The following C3orf70 variants were observed in gnomAD, a reference collection of about 807,000 sequenced individuals.
The protein encoded by C3orf70 is chromosome 3 open reading frame 70.
In C3orf70, 15 loss-of-function variants were observed where a neutral mutation model predicts 20.7. The observed-to-expected ratio is 0.72, with a 90% CI of 0.48 to 1.11. The LOEUF (loss-of-function observed/expected upper bound fraction) is 1.11, where lower values mean the gene tolerates loss of function less well. C3orf70 is among the 50% of genes most tolerant of loss of function. C3orf70 has a pLI of 0.00. For missense variants in C3orf70, 332 were observed against 317.6 expected (o/e 1.05, Z -0.34); for synonymous variants, 161 against 125.7 (o/e 1.28, Z -1.88).
chr3:185,091,645 A>G (rs1013139615), intron 1 of C3orf70, among the ~76,000 whole-genome samples: 1 of 150,992 alleles, frequency 6.6e-6, no homozygotes, highest in Non-Finnish European at 1.5e-5. Flanking sequence ...AGAGTCAGAC[A>G]CACCTGGATA....
At chr3:185,124,228 T>A (rs1457126930) in intron 1 of C3orf70, among the ~76,000 whole-genome samples, 1 of 152,126 alleles carries the variant, frequency 6.6e-6, no homozygotes, top group African/African-American at 2.4e-5. Context: ...CACGGGGGGA[T>A]CCTGAAATCA....
At chr3:185,091,309 A>G (rs1229886680) in intron 1 of C3orf70, among the ~76,000 whole-genome samples, 1 of 152,100 alleles carries the variant, frequency 6.6e-6, no homozygotes, top group Non-Finnish European at 1.5e-5. Flanking sequence ...TTGGGGTTAG[A>G]CAGTCGATCA....
chr3:185,147,237 T>G (rs1447614137), intron 1 of C3orf70, among the ~76,000 whole-genome samples: 1 of 152,026 alleles, frequency 6.6e-6, no homozygotes, highest in Non-Finnish European at 1.5e-5. Context: ...ACTGAGCTTA[T>G]GTGATATTCT....
intron 1 of C3orf70, among the ~76,000 whole-genome samples, chr3:185,113,091 G>A (rs563871450): frequency 5.3e-5 from 8 of 152,096 alleles, no homozygotes; most frequent in Non-Finnish European, 5.9e-5. Context: ...TCTAATGTTT[G>A]CCTTCAAATA....
intron 1 of C3orf70, among the ~76,000 whole-genome samples, chr3:185,102,707 GAC>G (rs1715845623): frequency 6.6e-6 from 1 of 152,078 alleles, no homozygotes; most frequent in African/African-American, 2.4e-5. Flanking sequence ...TACAAAAACG[GAC>G]ACACAGACCA....
intron 1 of C3orf70, among the ~76,000 whole-genome samples, chr3:185,113,684 TG>T (rs1716122183): frequency 6.6e-6 from 1 of 152,254 alleles, no homozygotes; most frequent in South Asian, 2.1e-4. Flanking sequence ...AAAGACACAG[TG>T]GGCTATTAAT....
chr3:185,104,256 A>C (rs1490953525), intron 1 of C3orf70, among the ~76,000 whole-genome samples: 3 of 152,180 alleles, frequency 2.0e-5, no homozygotes, highest in Admixed American at 6.5e-5. Context: ...CCTTAAGACA[A>C]CAAGACCAGT....
intron 1 of C3orf70, among the ~76,000 whole-genome samples, chr3:185,129,827 T>G (rs1173453645): frequency 1.3e-5 from 2 of 152,346 alleles, no homozygotes; most frequent in South Asian, 4.1e-4. Flanking sequence ...CATTTTGAAT[T>G]AAGAGCAGAT....
intron 1 of C3orf70, among the ~76,000 whole-genome samples, chr3:185,091,957 ATATATATTTTTTTTT>A (rs1715597696): frequency 5.7e-4 from 4 of 7,054 alleles, no homozygotes; most frequent in African/African-American, 2.9e-3. Flanking sequence ...ATATATATAT[ATATATATTTTTTTTT>A]TTTTTTAGTA....
rs1715379750 is a variant in C3orf70 at position 185,083,053 on chromosome 3, GA to G, written c.706del (p.Ser236ArgfsTer7). The stretch of plus-strand genomic sequence containing the variant: ...TTCAATCACTTCCAGGTCAGACTGC[GA>G]GGGGGAGAGAAGGGTGCACTCATCC... The part of the protein sequence containing the change: ...EPDECTLLSP[S>X]QSDLEVIETI... On this transcript the variant is annotated frameshift_variant, in exon 2 of 2. Coordinates refer to ENST00000335012, the MANE Select transcript of C3orf70 (RefSeq NM_001025266.3). LOFTEE classifies it high-confidence loss of function. 2 of 1,614,030 alleles carry G rather than the reference GA, an allele frequency of 1.2e-6. No homozygotes were observed. The highest frequency in any genetic ancestry group is 2.7e-5 in the African/African-American group (2 of 74,902).
chr3:185,078,267 T>C lies in C3orf70; in HGVS notation c.*4740A>G, dbSNP rs1715241291. Reference sequence around the variant, plus strand: ...GTATGAACAGCCTTAAAAAGTGAGGTGGACACAACGATATAGAAGCTCAAT... The same window carrying C: ...GTATGAACAGCCTTAAAAAGTGAGGCGGACACAACGATATAGAAGCTCAAT... On this transcript the variant is annotated 3_prime_UTR_variant, in exon 2 of 2. Transcript: ENST00000335012. 1 of 152,516 alleles carries C rather than the reference T, an allele frequency of 6.6e-6. No homozygotes were observed. The allele number at this position is 152,516 out of a possible 1,614,324, so 9.4% of individuals were successfully genotyped here.
chr3:185,119,772 TC>T (rs1716255320), intron 1 of C3orf70, among the ~76,000 whole-genome samples: 1 of 151,952 alleles, frequency 6.6e-6, no homozygotes, highest in Admixed American at 6.6e-5. Flanking sequence ...ACGCCTGTAA[TC>T]CCAGCACTTT....
chr3:185,107,591 C>T (rs1255574539), intron 1 of C3orf70, among the ~76,000 whole-genome samples: 1 of 152,150 alleles, frequency 6.6e-6, no homozygotes, highest in African/African-American at 2.4e-5. Context: ...TTGGATAGAA[C>T]AATGGCCACT....
intron 1 of C3orf70, among the ~76,000 whole-genome samples, chr3:185,109,432 T>C (rs1716015770): frequency 6.6e-6 from 1 of 152,206 alleles, no homozygotes; most frequent in Admixed American, 6.5e-5. Context: ...GAAGAGATTC[T>C]GGGAGGATCC....
chr3:185,128,170 A>T (rs746918665), intron 1 of C3orf70, among the ~76,000 whole-genome samples: 3 of 152,168 alleles, frequency 2.0e-5, no homozygotes, highest in Non-Finnish European at 4.4e-5. Flanking sequence ...TAGATTCTTT[A>T]AGGATGGTAT....
Position 185,083,617 on chromosome 3 carries a change from A to G in C3orf70, c.197-54T>C, listed in dbSNP as rs188802436. The G allele has an allele frequency of 6.4e-4, 909 of 1,430,370 alleles. 4 individuals are homozygous for G. In the African/African-American group the frequency reaches 0.012, roughly 19 times the overall value. The allele number at this position is 1,430,370 out of a possible 1,614,324, so 88.6% of individuals were successfully genotyped here. A position where few individuals can be genotyped will look rare whatever the true frequency, so the allele number is the denominator to read the frequency against. ...TCTATATTACACAAACTATATTAAC[A>G]TGGCCATAATGGTTTCTGAGGACTC... On this transcript the variant is annotated intron_variant, in intron 1 of 1. Coordinates refer to ENST00000335012, the MANE Select transcript of C3orf70 (RefSeq NM_001025266.3).
chr3:185,108,562 C>T (rs1715995417), intron 1 of C3orf70, among the ~76,000 whole-genome samples: 1 of 152,248 alleles, frequency 6.6e-6, no homozygotes, highest in South Asian at 2.1e-4. Context: ...GGACCTTTGA[C>T]TGAAGGGAAT....
chr3:185,118,562 A>T (rs1437895607), intron 1 of C3orf70, among the ~76,000 whole-genome samples: 3 of 152,198 alleles, frequency 2.0e-5, no homozygotes. Flanking sequence ...TGCACTTTGT[A>T]ACACAGCCTC....
At chr3:185,107,496 C>T (rs1340346584) in intron 1 of C3orf70, among the ~76,000 whole-genome samples, 1 of 152,104 alleles carries the variant, frequency 6.6e-6, no homozygotes, top group African/African-American at 2.4e-5. Flanking sequence ...AAGTTCCTGA[C>T]AAAGATTAGG....
Sources: gnomAD v4.1 joint callset for allele counts (sites outside exome capture counted in the v4.1 genomes callset) on GRCh38, gnomAD v4.1.1 for gene constraint, MANE v1.5 for transcripts, NCBI Gene and HGNC (gene_info 2026-07-23, HGNC 2026-07-21) for gene names.